Variants in MMP2 observed in about 807,000 individuals in gnomAD.
The protein encoded by MMP2 is 72 kDa type IV collagenase.
MMP2 carries 39 observed loss-of-function variants against 74.8 expected under a neutral mutation model. The observed-to-expected ratio is 0.52, with a 90% CI of 0.40 to 0.68. The LOEUF (loss-of-function observed/expected upper bound fraction) is 0.68. Ranked by LOEUF, MMP2 falls within the 30% of genes least tolerant of loss-of-function variation. The pLI is 0.00. For synonymous variants in MMP2, 367 were observed against 339.8 expected, an observed-to-expected ratio of 1.08 and a Z score of -0.88; for missense variants, 803 against 878.3, an observed-to-expected ratio of 0.91 and a Z score of 1.08.
chr16:55,505,324 C>T lies in MMP2; in HGVS notation c.1880-15C>T. On this transcript the variant is annotated splice_polypyrimidine_tract_variant and intron_variant, in intron 12 of 12. Coordinates refer to ENST00000219070, the MANE Select transcript of MMP2 (RefSeq NM_004530.6). The stretch of plus-strand genomic sequence containing the variant: ...CAGGATAAGGGGGTCACGGTCTCTT[C>T]TTTCTCTATCCCAGGTCACAGCTAC... 1 of 1,609,692 alleles carries T rather than the reference C, an allele frequency of 6.2e-7. No individual in the cohort carries two copies. Among genetic ancestry groups the T allele is most frequent in the Non-Finnish European group, 8.5e-7 (1 of 1,175,984 alleles).
intron 7 of MMP2, among the ~76,000 whole-genome samples, chr16:55,490,879 G>C (rs1285870547): frequency 6.6e-6 from 1 of 152,066 alleles, no homozygotes; most frequent in African/African-American, 2.4e-5. Context: ...TAGTCTCCTG[G>C]GGCTGCCATG....
chr16:55,501,024 A>G (rs1375382880), intron 11 of MMP2, among the ~76,000 whole-genome samples: 1 of 152,208 alleles, frequency 6.6e-6, no homozygotes, highest in East Asian at 1.9e-4. Flanking sequence ...CATGTAGTTT[A>G]TAGTAGAATG....
chr16:55,494,460 C>T (rs1962486740), intron 9 of MMP2, among the ~76,000 whole-genome samples: 1 of 152,144 alleles, frequency 6.6e-6, no homozygotes, highest in African/African-American at 2.4e-5. Flanking sequence ...GTGCCAAATA[C>T]TTTGCTAGGC....
intron 11 of MMP2, among the ~76,000 whole-genome samples, chr16:55,502,542 T>C (rs1055582074): frequency 1.3e-5 from 2 of 152,204 alleles, no homozygotes; most frequent in East Asian, 3.9e-4. Context: ...GCAGTAATCA[T>C]GAGATTGTTT....
In MMP2 at chr16:55,493,208, C is replaced by T. The variant is rs765802286; in HGVS notation, c.1387C>T (p.Pro463Ser). 2 of 1,614,138 alleles carry T rather than the reference C, an allele frequency of 1.2e-6. No homozygotes were observed. The highest frequency in any genetic ancestry group is 1.1e-5 in the South Asian group (1 of 91,080). Residue 463 changes from proline (P) to serine (S), a missense_variant, in exon 9 of 13, where the codon CCT becomes TCT. Coordinates refer to ENST00000219070, the MANE Select transcript of MMP2 (RefSeq NM_004530.6). ...CACCGGCCCCACCCCCACGCTGGGC[C>T]CTGTCACTCCTGAGATCTGCAAACA... ...LGTGPTPTLG[P>S]VTPEICKQDI...
Position 55,489,705 on chromosome 16 carries a change from C to T in MMP2, c.1061C>T (p.Thr354Ile), listed in dbSNP as rs762729209. ...SEGAPCVFPF[T>I]FLGNKYESCT... ...GGTGCCCCCTGTGTCTTCCCCTTCA[C>T]TTTCCTGGGCAACAAATATGAGAGC... Residue 354 changes from threonine (T) to isoleucine (I), a missense_variant, in exon 7 of 13, where the codon ACT (threonine) becomes ATT (isoleucine). Around this residue, in one of 3 missense-constraint regions of MMP2, gnomAD observed 555 missense variants for 592.0 expected, o/e 0.94. Coordinates refer to ENST00000219070, the MANE Select transcript of MMP2 (RefSeq NM_004530.6). 3.1e-6 allele frequency: 5 copies of T among 1,614,004 alleles called. No individual in the cohort carries two copies. The Admixed American group carries it at 8.3e-5, about 27-fold the overall frequency.
Position 55,479,221 on chromosome 16 carries a change from G to T in MMP2, c.-259G>T, listed in dbSNP as rs531040212. On this transcript the variant is annotated 5_prime_UTR_variant, in exon 1 of 13. Transcript: ENST00000219070. ...CCGCTGCATCCAGACTTCCTCAGGCGGTGGCTGGAGGCTGCGCATCTGGGG... is the reference window on the plus strand; with the variant it reads ...CCGCTGCATCCAGACTTCCTCAGGCTGTGGCTGGAGGCTGCGCATCTGGGG... 10 of 270,668 alleles carry T rather than the reference G, an allele frequency of 3.7e-5. No individual in the cohort carries two copies. The highest frequency in any genetic ancestry group is 2.1e-3 in the Middle Eastern group (2 of 932). The allele number at this position is 270,668 out of a possible 1,614,324, so 16.8% of individuals were successfully genotyped here. A position where few individuals can be genotyped will look rare whatever the true frequency, so the allele number is the denominator to read the frequency against.
chr16:55,479,124 C>G (rs986046511), upstream of MMP2: 1 of 176,060 alleles, frequency 5.7e-6, no homozygotes, highest in Admixed American at 6.3e-5. Context: ...GTGCGCCCCC[C>G]GCCCCCAGCC....
Position 55,482,914 on chromosome 16 carries a change from C to T in MMP2, c.159C>T (p.Tyr53=). 1.2e-6 allele frequency: 2 copies of T among 1,613,978 alleles called. No homozygotes were observed. Among genetic ancestry groups the T allele is most frequent in the South Asian group, 1.1e-5 (1 of 91,070 alleles). ...GGGGTGTGCATTTCTTTCAGCAATA[C>T]CTGAACACCTTCTATGGCTGCCCCA... ...PKTDKELAVQ[Y]LNTFYGCPKE... is the part of the protein sequence containing the mutation. Residue 53 remains tyrosine, a synonymous_variant, in exon 2 of 13, where the codon TAC becomes TAT. Transcript: ENST00000219070.
intron 7 of MMP2, 37 bp downstream of exon 7, chr16:55,489,861 AT>A: frequency 6.2e-7 from 1 of 1,608,318 alleles, no homozygotes; most frequent in Non-Finnish European, 8.5e-7. Flanking sequence ...GACCCTGGAC[AT>A]TGCCCTTGCC....
intron 5 of MMP2, chr16:55,487,396 G>A (rs1440426077): frequency 3.3e-5 from 5 of 152,308 alleles, no homozygotes; most frequent in African/African-American, 4.8e-5. Context: ...GGCATTGGTC[G>A]AAGTTAACGC....
intron 8 of MMP2, among the ~76,000 whole-genome samples, chr16:55,492,790 C>T (rs1322611691): frequency 6.6e-6 from 1 of 152,110 alleles, no homozygotes; most frequent in African/African-American, 2.4e-5. Context: ...ACACCAGCGG[C>T]CCCCTGACCG....
chr16:55,485,756 T>C lies in MMP2; in HGVS notation c.811T>C (p.Tyr271His), dbSNP rs766771660. Reference protein sequence around the residue: ...TTYNFEKDGKYGFCPHEALFT... With the variant: ...TTYNFEKDGKHGFCPHEALFT... ...CTACAACTTTGAGAAGGATGGCAAG[T>C]ACGGCTTCTGTCCCCATGAAGGTGA... is the stretch of plus-strand genomic sequence containing the variant. Residue 271 changes from tyrosine (Y) to histidine (H), a missense_variant, in exon 5 of 13, where the codon TAC becomes CAC. By Grantham distance (83) the Tyr-to-His change is moderately conservative. This residue lies in a region of MMP2 where 555 missense variants were observed against 592.0 expected (regional missense o/e 0.94). Coordinates refer to ENST00000219070, the MANE Select transcript of MMP2 (RefSeq NM_004530.6). The C allele has an allele frequency of 1.2e-6, 2 of 1,613,996 alleles. No homozygotes were observed. Among genetic ancestry groups the C allele is most frequent in the Non-Finnish European group, 1.7e-6 (2 of 1,180,018 alleles).
Position 55,489,750 on chromosome 16 carries a change from G to C in MMP2, c.1106G>C (p.Ser369Thr). 1 of 1,614,194 alleles carries C rather than the reference G, an allele frequency of 6.2e-7. No individual in the cohort carries two copies. Among genetic ancestry groups the C allele is most frequent in the East Asian group, 2.2e-5 (1 of 44,856 alleles). ...GAGAGCTGCACCAGCGCCGGCCGCA[G>C]TGACGGAAAGATGTGGTGTGCGACC... ...KYESCTSAGR[S>T]DGKMWCATTA... is the part of the protein sequence containing the mutation. The change falls in exon 7 of 13, where the codon AGT (serine) becomes ACT (threonine). Residue 369 changes from serine (S) to threonine (T), a missense_variant. Ser to Thr is a moderately conservative substitution (Grantham distance 58). This residue lies in a region of MMP2 where 555 missense variants were observed against 592.0 expected (regional missense o/e 0.94). Coordinates refer to ENST00000219070, the MANE Select transcript of MMP2 (RefSeq NM_004530.6).
Position 55,505,512 on chromosome 16 carries a change from A to G in MMP2, c.*70A>G. 1 of 1,343,404 alleles carries G rather than the reference A, an allele frequency of 7.4e-7. No homozygotes were observed. Among genetic ancestry groups the G allele is most frequent in the Non-Finnish European group, 1.1e-6 (1 of 934,864 alleles). 83.2% of individuals were successfully genotyped at this position (1,343,404 alleles called of 1,614,324 possible). On this transcript the variant is annotated 3_prime_UTR_variant, in exon 13 of 13. Transcript: ENST00000219070. ...TACACCGGGCCTGGAGAACTAGAGA[A>G]GGACCCGGAGGGGCCTGGCAGCCGT...
At chr16:55,488,471 G>A in intron 5 of MMP2, 72 bp from the exon 6 acceptor site, 4 of 1,476,024 alleles carry the variant, frequency 2.7e-6, no homozygotes, top group Admixed American at 1.8e-5. Flanking sequence ...ACCGGCAGGT[G>A]GGCAGCCAGC....
intron 1 of MMP2, 28 bp downstream of exon 1, chr16:55,479,660 C>T (rs972374040): frequency 1.2e-6 from 2 of 1,613,518 alleles, no homozygotes; most frequent in East Asian, 2.2e-5. Flanking sequence ...CCTCAAGGAA[C>T]CACGTTTAGA....
upstream of MMP2, chr16:55,479,028 C>A (rs760923035): frequency 3.1e-5 from 4 of 130,652 alleles, no homozygotes; most frequent in Non-Finnish European, 4.7e-5. Flanking sequence ...AGCAGGCGGC[C>A]GGGGAAAAGA....
intron 9 of MMP2, among the ~76,000 whole-genome samples, chr16:55,495,608 T>C (rs1417080776): frequency 6.6e-6 from 1 of 152,214 alleles, no homozygotes; most frequent in African/African-American, 2.4e-5. Context: ...CTAACCTCTC[T>C]GAGCTTCATT....
Sources: gnomAD v4.1 joint callset for allele counts (sites outside exome capture counted in the v4.1 genomes callset) on GRCh38, gnomAD v4.1.1 for gene constraint, gnomAD v4.1.1 regional missense constraint, MANE v1.5 for transcripts, NCBI Gene and HGNC (gene_info 2026-07-23, HGNC 2026-07-21) for gene names.